The following MAP3K3 variants were observed in gnomAD, a reference collection of about 807,000 sequenced individuals.
The protein encoded by MAP3K3 is mitogen-activated protein kinase kinase kinase 3.
Under a neutral mutation model 80.9 loss-of-function variants are expected in MAP3K3, and 12 were observed. That is an observed-to-expected ratio of 0.15 (90% CI 0.10 to 0.24). The LOEUF (loss-of-function observed/expected upper bound fraction) is 0.24, where lower values mean the gene tolerates loss of function less well. Ranked by LOEUF, MAP3K3 falls within the 10% of genes least tolerant of loss-of-function variation. MAP3K3 has a pLI of 1.00. For missense variants in MAP3K3, 596 were observed against 834.7 expected, an observed-to-expected ratio of 0.71 and a Z score of 3.52; for synonymous variants, 272 against 307.1, an observed-to-expected ratio of 0.89 and a Z score of 1.19.
At chr17:63,667,929 G>A (rs1225267665) in intron 6 of MAP3K3, among the ~76,000 whole-genome samples, 6 of 152,182 alleles carry the variant, frequency 3.9e-5, no homozygotes, top group African/African-American at 1.2e-4. Flanking sequence ...CCCAGGACAG[G>A]AATCTAAATC....
chr17:63,649,615 C>T (rs2034610279), intron 3 of MAP3K3, among the ~76,000 whole-genome samples: 1 of 152,128 alleles, frequency 6.6e-6, no homozygotes, highest in East Asian at 1.9e-4. Context: ...GCCATTTTGC[C>T]CAGGCTGGTT....
chr17:63,662,092 G>A (rs1284987096), intron 5 of MAP3K3, among the ~76,000 whole-genome samples: 1 of 150,194 alleles, frequency 6.7e-6, no homozygotes, highest in Non-Finnish European at 1.5e-5. Context: ...CACAGAGCGA[G>A]ACTCCATCTC....
chr17:63,669,153 T>C (rs951144270), intron 6 of MAP3K3, among the ~76,000 whole-genome samples: 4 of 152,012 alleles, frequency 2.6e-5, no homozygotes, highest in African/African-American at 4.8e-5. Flanking sequence ...ATGGGAGAGA[T>C]GATTTCTAAC....
intron 4 of MAP3K3, among the ~76,000 whole-genome samples, chr17:63,654,333 T>TTTTTTTTTTTTTTTTTTTGA (rs1299210909): frequency 4.6e-5 from 7 of 150,554 alleles, no homozygotes; most frequent in Admixed American, 6.6e-5. Flanking sequence ...TGACCTTTTT[T>TTTTTTTTTTTTTTTTTTTGA]GTCTGGCTTC....
At chr17:63,669,138 A>G (rs2035054188) in intron 6 of MAP3K3, among the ~76,000 whole-genome samples, 1 of 152,220 alleles carries the variant, frequency 6.6e-6, no homozygotes, top group African/African-American at 2.4e-5. Context: ...CCATAGAGCC[A>G]AGAAATGGGA....
chr17:63,625,024 T>C (rs1439224909), intron 1 of MAP3K3, among the ~76,000 whole-genome samples: 1 of 152,216 alleles, frequency 6.6e-6, no homozygotes, highest in African/African-American at 2.4e-5. Context: ...ACTCAAAGGA[T>C]TGATAAGAGA....
chr17:63,681,831 GC>G lies in MAP3K3; in HGVS notation c.571del (p.Arg191GlyfsTer27). The G allele has an allele frequency of 6.5e-7, 1 of 1,548,938 alleles. No individual in the cohort carries two copies. Among genetic ancestry groups the G allele is most frequent in the East Asian group, 2.4e-5 (1 of 41,042 alleles). ...GYVPERQQHI[A>X]RQGSYTSINS... Reference sequence around the variant, plus strand: ...TGTTCCTGAGCGGCAGCAGCACATTGCCCGGCAGGGGTCCTACACCAGCATC... The same window carrying G: ...TGTTCCTGAGCGGCAGCAGCACATTGCCGGCAGGGGTCCTACACCAGCATC... On this transcript the variant is annotated frameshift_variant, in exon 7 of 16. Transcript: ENST00000361733. LOFTEE classifies it high-confidence loss of function.
chr17:63,683,626 T>C (rs11650240), intron 7 of MAP3K3, among the ~76,000 whole-genome samples: 10 of 152,176 alleles, frequency 6.6e-5, no homozygotes, highest in Non-Finnish European at 1.3e-4. Context: ...CCTGCCTCTT[T>C]AGCTGAAGAG....
intron 6 of MAP3K3, among the ~76,000 whole-genome samples, chr17:63,678,909 A>C (rs1286653366): frequency 6.6e-6 from 1 of 152,152 alleles, no homozygotes; most frequent in East Asian, 1.9e-4. Flanking sequence ...GGCCACCTGT[A>C]ATCCCAGCTA....
intron 7 of MAP3K3, 26 bp from the exon 8 acceptor site, chr17:63,685,491 G>T: frequency 1.9e-6 from 3 of 1,598,448 alleles, no homozygotes; most frequent in Non-Finnish European, 2.6e-6. Context: ...TGGGGGTGTG[G>T]CTTCATTGTT....
intron 4 of MAP3K3, 24 bp from the exon 5 acceptor site, chr17:63,657,770 C>A: frequency 9.9e-7 from 1 of 1,008,072 alleles, no homozygotes; most frequent in South Asian, 1.4e-5. Context: ...ATATTATTTT[C>A]CTTTTCTATG....
intron 5 of MAP3K3, among the ~76,000 whole-genome samples, chr17:63,661,916 A>G (rs188009621): frequency 1.0e-3 from 152 of 151,522 alleles, no homozygotes; most frequent in Non-Finnish European, 1.9e-3. Context: ...ATCCTGGCTA[A>G]CACGTGAAAC....
chr17:63,631,531 T>C (rs973832763), intron 1 of MAP3K3, among the ~76,000 whole-genome samples: 2 of 152,208 alleles, frequency 1.3e-5, no homozygotes, highest in Non-Finnish European at 2.9e-5. Flanking sequence ...TCATCCCTCA[T>C]GTTCCCTTCA....
Position 63,691,662 on chromosome 17 carries a change from G to A in MAP3K3, c.1345-71G>A. 2 of 1,568,226 alleles carry A rather than the reference G, an allele frequency of 1.3e-6. No homozygotes were observed. Among genetic ancestry groups the A allele is most frequent in the Non-Finnish European group, 1.7e-6 (2 of 1,151,976 alleles). Reference sequence around the variant, plus strand: ...AATCACTCCTTTGCTGCCATGCTGGGGGCTGGAATGGGCTTGCCCCTCCAC... The same window carrying A: ...AATCACTCCTTTGCTGCCATGCTGGAGGCTGGAATGGGCTTGCCCCTCCAC... On this transcript the variant is annotated intron_variant, in intron 13 of 15. Transcript: ENST00000361733. The surrounding 1 kb of genome is among the most constrained non-coding windows in gnomAD (Gnocchi z 4.8).
intron 8 of MAP3K3, 70 bp from the exon 9 acceptor site, chr17:63,688,457 C>T (rs1228535625): frequency 8.0e-6 from 10 of 1,243,100 alleles, no homozygotes; most frequent in Admixed American, 3.4e-5. Context: ...GAAAGGGAGA[C>T]TGCCTGGACG....
chr17:63,649,168 G>T (rs1261206792), intron 3 of MAP3K3, among the ~76,000 whole-genome samples: 1 of 152,156 alleles, frequency 6.6e-6, no homozygotes, highest in African/African-American at 2.4e-5. Flanking sequence ...CAGGTACAGA[G>T]GCTCACGCCT....
chr17:63,674,692 G>A lies in MAP3K3; in HGVS notation c.503-7074G>A, dbSNP rs78798162. Among the ~76,000 whole-genome samples, 865 of 152,202 alleles carry A rather than the reference G, an allele frequency of 5.7e-3. 7 individuals carry two copies. The highest frequency in any genetic ancestry group is 0.02 in the African/African-American group (840 of 41,522). On this transcript the variant is annotated intron_variant, in intron 6 of 15. Coordinates refer to ENST00000361733, the MANE Select transcript of MAP3K3 (RefSeq NM_002401.5). The stretch of plus-strand genomic sequence containing the variant: ...TAGAGATATGAGGAAGTGTATGAAG[G>A]GAGGGATAAAGACAGCTGAAAAGGA...
chr17:63,640,970 G>A (rs2034429562), intron 2 of MAP3K3, among the ~76,000 whole-genome samples: 2 of 152,222 alleles, frequency 1.3e-5, no homozygotes, highest in South Asian at 4.1e-4. Context: ...GCCTGGGGAG[G>A]CATCACATGA....
intron 6 of MAP3K3, among the ~76,000 whole-genome samples, chr17:63,671,545 C>T (rs186478391): frequency 9.2e-5 from 14 of 152,120 alleles, no homozygotes; most frequent in Admixed American, 4.6e-4. Flanking sequence ...TGAGCCACCA[C>T]GCCTGGCCCT....
Sources: gnomAD v4.1 joint callset for allele counts (sites outside exome capture counted in the v4.1 genomes callset) on GRCh38, gnomAD v4.1.1 for gene constraint, Gnocchi (gnomAD v3.1) non-coding constraint, MANE v1.5 for transcripts, NCBI Gene and HGNC (gene_info 2026-07-23, HGNC 2026-07-21) for gene names.